The following GALNTL6 variants were observed in gnomAD, a reference collection of about 807,000 sequenced individuals.
GALNTL6 encodes polypeptide N-acetylgalactosaminyltransferase-like 6.
A neutral mutation model predicts 73.7 loss-of-function variants in GALNTL6; 46 were observed. That is an observed-to-expected ratio of 0.62 (90% CI 0.49 to 0.80). The LOEUF is 0.80. GALNTL6 is among the 30% of genes least tolerant of loss of function. GALNTL6 has a pLI of 0.00. For synonymous variants in GALNTL6, 259 were observed against 263.7 expected (o/e 0.98, Z 0.17); for missense variants, 604 against 755.0 (o/e 0.80, Z 2.34).
intron 5 of GALNTL6, among the ~76,000 whole-genome samples, chr4:172,724,336 C>T (rs989517062): frequency 2.0e-5 from 3 of 152,142 alleles, no homozygotes; most frequent in African/African-American, 4.8e-5. Context: ...CAAAATCCAT[C>T]CTATAGTAGC....
At chr4:172,773,831 T>C (rs1333061104) in intron 5 of GALNTL6, among the ~76,000 whole-genome samples, 1 of 152,196 alleles carries the variant, frequency 6.6e-6, no homozygotes, top group Non-Finnish European at 1.5e-5. Context: ...TATATGAGAA[T>C]GTGTTAGGGA....
intron 2 of GALNTL6, among the ~76,000 whole-genome samples, chr4:171,819,729 G>A (rs574204320): frequency 1.3e-4 from 20 of 152,174 alleles, no homozygotes; most frequent in South Asian, 8.3e-4. Context: ...ATCATGAGAA[G>A]GCATCAGAAG....
rs1739916612 is a variant in GALNTL6, at chr4:172,790,199, A to G, written c.554-19162A>G. ...AGGGCCCAGCTGAGGCTGAAGGGTT[A>G]TCTATTTATTGTGGTCCCCATATTC... On this transcript the variant is annotated intron_variant, in intron 5 of 12. Transcript: ENST00000506823. Among the ~76,000 whole-genome samples the G allele has an allele frequency of 2.0e-5, 3 of 152,218 alleles. No homozygotes were observed. The South Asian group carries it at 6.2e-4, about 31-fold the overall frequency.
At chr4:171,892,084 C>T (rs564429839) in intron 2 of GALNTL6, among the ~76,000 whole-genome samples, 1 of 152,256 alleles carries the variant, frequency 6.6e-6, no homozygotes, top group Admixed American at 6.5e-5. Flanking sequence ...TTCATGCACA[C>T]AATTATTTAA....
At chr4:171,967,453 T>TTTTGTTTGTTG (rs1553976672) in intron 2 of GALNTL6, among the ~76,000 whole-genome samples, 1 of 141,334 alleles carries the variant, frequency 7.1e-6, no homozygotes, top group Non-Finnish European at 1.5e-5. Flanking sequence ...ATGGGTTTTT[T>TTTTGTTTGTTG]TTTTTTTTTT....
chr4:172,064,701 A>C (rs1731306582), intron 2 of GALNTL6, among the ~76,000 whole-genome samples: 1 of 152,056 alleles, frequency 6.6e-6, no homozygotes, highest in African/African-American at 2.4e-5. Context: ...CCTCTTTCCA[A>C]CTTTGGGATC....
chr4:172,027,552 T>C (rs1388495288), intron 2 of GALNTL6, among the ~76,000 whole-genome samples: 1 of 152,070 alleles, frequency 6.6e-6, no homozygotes, highest in East Asian at 1.9e-4. Flanking sequence ...GCCTCCCTAT[T>C]CCTTGAGACC....
intron 7 of GALNTL6, among the ~76,000 whole-genome samples, chr4:172,837,565 A>T (rs1160534847): frequency 6.6e-6 from 1 of 152,262 alleles, no homozygotes; most frequent in Non-Finnish European, 1.5e-5. Flanking sequence ...AATATTTGTT[A>T]GGTGGTAAAT....
At chr4:172,287,542 C>T (rs1196802289) in intron 3 of GALNTL6, among the ~76,000 whole-genome samples, 1 of 152,074 alleles carries the variant, frequency 6.6e-6, no homozygotes, top group Non-Finnish European at 1.5e-5. Context: ...GTCTTATTAC[C>T]TAGAAATAAC....
chr4:172,561,397 A>G (rs1051072106), intron 5 of GALNTL6, among the ~76,000 whole-genome samples: 6 of 152,000 alleles, frequency 3.9e-5, no homozygotes, highest in African/African-American at 1.5e-4. Context: ...TAACTGGGTT[A>G]ATTTTTATCT....
At chr4:172,552,159 G>A (rs1735977862) in intron 5 of GALNTL6, among the ~76,000 whole-genome samples, 1 of 151,942 alleles carries the variant, frequency 6.6e-6, no homozygotes, top group African/African-American at 2.4e-5. Flanking sequence ...CTAGCCCTTG[G>A]GAACTCAATA....
chr4:173,037,693 G>T (rs1753749530), intron 12 of GALNTL6, among the ~76,000 whole-genome samples: 1 of 152,044 alleles, frequency 6.6e-6, no homozygotes, highest in South Asian at 2.1e-4. Flanking sequence ...TAACTCTCAT[G>T]AAGTTATGTG....
At chr4:171,837,736 GAAGTTT>G (rs919445685) in intron 2 of GALNTL6, among the ~76,000 whole-genome samples, 17 of 147,670 alleles carry the variant, frequency 1.2e-4, no homozygotes, top group African/African-American at 2.7e-4. Context: ...CCACTTTTCT[GAAGTTT>G]AAGTTTAAGA....
chr4:172,414,587 G>A (rs1744557893), intron 5 of GALNTL6, among the ~76,000 whole-genome samples: 1 of 152,056 alleles, frequency 6.6e-6, no homozygotes, highest in South Asian at 2.1e-4. Flanking sequence ...TACTCTTAGC[G>A]GCACACTGTG....
At chr4:172,998,165 G>C (rs4235217) in intron 10 of GALNTL6, among the ~76,000 whole-genome samples, 148,798 of 152,304 alleles carry the variant, frequency 0.98, 72,809 homozygotes, top group Middle Eastern at 1. Flanking sequence ...GGCATAATTT[G>C]AAGGAAAGGC....
chr4:171,849,280 G>C (rs1482677967), intron 2 of GALNTL6, among the ~76,000 whole-genome samples: 2 of 152,152 alleles, frequency 1.3e-5, no homozygotes, highest in Non-Finnish European at 2.9e-5. Flanking sequence ...TGAGGAGAGG[G>C]AACAGATGGG....
At chr4:171,904,274 G>A (rs1182003765) in intron 2 of GALNTL6, among the ~76,000 whole-genome samples, 14 of 152,048 alleles carry the variant, frequency 9.2e-5, no homozygotes, top group African/African-American at 2.7e-4. Flanking sequence ...TATAACTAGA[G>A]TAACCAATAC....
intron 3 of GALNTL6, among the ~76,000 whole-genome samples, chr4:172,291,787 A>G (rs1277721384): frequency 6.6e-6 from 1 of 151,832 alleles, no homozygotes; most frequent in African/African-American, 2.4e-5. Context: ...CCACATTCCA[A>G]AGCTGTAATA....
intron 2 of GALNTL6, among the ~76,000 whole-genome samples, chr4:171,976,001 C>T (rs1423423261): frequency 3.9e-5 from 6 of 152,206 alleles, no homozygotes; most frequent in African/African-American, 1.2e-4. Context: ...CAGCTCATTG[C>T]AACCTCCACC....
Sources: gnomAD v4.1 joint callset for allele counts (sites outside exome capture counted in the v4.1 genomes callset) on GRCh38, gnomAD v4.1.1 for gene constraint, MANE v1.5 for transcripts, NCBI Gene and HGNC (gene_info 2026-07-23, HGNC 2026-07-21) for gene names.